Variants in BASP1 observed in about 807,000 individuals in gnomAD.
The protein encoded by BASP1 is brain abundant membrane attached signal protein 1, also known as brain acid soluble protein 1.
In BASP1, 1 loss-of-function variant was observed where a neutral mutation model predicts 2.2. That is an observed-to-expected ratio of 0.46 (90% confidence interval 0.16 to 2.17). BASP1 has a LOEUF of 2.17. BASP1 is among the 30% of genes most tolerant of loss of function. The pLI is 0.27. For missense variants in BASP1, 352 were observed against 327.2 expected (o/e 1.08, Z -0.58); for synonymous variants, 187 against 154.2 (o/e 1.21, Z -1.58).
chr5:17,244,912 T>C (rs1739945660), intron 1 of BASP1, among the ~76,000 whole-genome samples: 1 of 150,442 alleles, frequency 6.6e-6, no homozygotes, highest in Non-Finnish European at 1.5e-5. Flanking sequence ...GCTGGTCTCA[T>C]GATCCACCCG....
chr5:17,224,932 C>T (rs961543436), intron 1 of BASP1, among the ~76,000 whole-genome samples: 2 of 152,238 alleles, frequency 1.3e-5, no homozygotes, highest in Non-Finnish European at 2.9e-5. Context: ...TCCGCGTCCA[C>T]GCAGGATCCA....
At chr5:17,248,646 G>T (rs1326540655) in intron 1 of BASP1, among the ~76,000 whole-genome samples, 2 of 151,976 alleles carry the variant, frequency 1.3e-5, no homozygotes, top group Non-Finnish European at 2.9e-5. Flanking sequence ...CAGGCACTTC[G>T]GTATTCTTTT....
At position 17,275,519 on chromosome 5, in the gene BASP1, G is replaced by A. The variant is rs764354601; in HGVS notation, c.303G>A (p.Pro101=). Residue 101 remains proline (P), a synonymous_variant, in exon 2 of 2, where the codon CCG becomes CCA. Transcript: ENST00000322611. The surrounding 1 kb of genome is among the most constrained non-coding windows in gnomAD (Gnocchi z 5.3). ...EGAAEAKAEP[P]KAPEQEQAAP... ...CGGCAGAGGCCAAGGCTGAGCCCCC[G>A]AAGGCGCCCGAGCAGGAGCAGGCGG... 2.8e-6 allele frequency: 4 copies of A among 1,441,262 alleles called. No homozygotes were observed. Among genetic ancestry groups the A allele is most frequent in the African/African-American group, 1.5e-5 (1 of 66,822 alleles). 89.3% of individuals were successfully genotyped at this position (1,441,262 alleles called of 1,614,324 possible).
chr5:17,275,788 A>G lies in BASP1; in HGVS notation c.572A>G (p.Glu191Gly). Reference protein sequence around the residue: ...PSSKETPAATEAPSSTPKAQG... With the variant: ...PSSKETPAATGAPSSTPKAQG... ...TCCAAGGAGACCCCCGCAGCCACGG[A>G]AGCGCCTAGTTCCACACCCAAGGCC... The change falls in exon 2 of 2, where the codon GAA (glutamate) becomes GGA (glycine). Residue 191 changes from glutamate to glycine, a missense_variant. Coordinates refer to ENST00000322611, the MANE Select transcript of BASP1 (RefSeq NM_006317.5). This position sits in a 1 kb window ranked among gnomAD's most constrained non-coding sequence, Gnocchi z 5.3. 6.2e-7 allele frequency: 1 copy of G among 1,613,138 alleles called. No individual in the cohort carries two copies. Among genetic ancestry groups the G allele is most frequent in the African/African-American group, 1.3e-5 (1 of 74,986 alleles).
intron 1 of BASP1, among the ~76,000 whole-genome samples, chr5:17,232,782 C>T (rs544103051): frequency 2.6e-5 from 4 of 152,228 alleles, no homozygotes; most frequent in Admixed American, 2.6e-4. Context: ...TTTACTCCCC[C>T]TCCTCTTCCA....
intron 1 of BASP1, among the ~76,000 whole-genome samples, chr5:17,265,694 TAGTA>T (rs1286702409): frequency 6.6e-6 from 1 of 152,196 alleles, no homozygotes; most frequent in East Asian, 1.9e-4. Context: ...ACAACCTGTT[TAGTA>T]AGTGTTTTAT....
intron 1 of BASP1, among the ~76,000 whole-genome samples, chr5:17,248,920 T>C (rs1362745524): frequency 6.6e-6 from 1 of 152,156 alleles, no homozygotes; most frequent in Admixed American, 6.6e-5. Flanking sequence ...ATCCTTTAAG[T>C]ATGGAGGCCC....
intron 1 of BASP1, among the ~76,000 whole-genome samples, chr5:17,250,236 C>T (rs1026203234): frequency 1.3e-4 from 20 of 152,118 alleles, no homozygotes; most frequent in African/African-American, 3.9e-4. Flanking sequence ...CGTGAGCCAC[C>T]GCGCCCGGCC....
chr5:17,245,832 G>A (rs1385176861), intron 1 of BASP1, among the ~76,000 whole-genome samples: 1 of 152,122 alleles, frequency 6.6e-6, no homozygotes, highest in East Asian at 1.9e-4. Context: ...AACTCAGGGG[G>A]TAGCAGAAGC....
intron 1 of BASP1, among the ~76,000 whole-genome samples, chr5:17,226,515 C>T (rs540671153): frequency 8.5e-5 from 13 of 152,334 alleles, no homozygotes; most frequent in South Asian, 2.1e-4. Context: ...ACAGTATCCA[C>T]TGACAGAGAG....
At chr5:17,262,779 G>T (rs962701704) in intron 1 of BASP1, among the ~76,000 whole-genome samples, 1 of 151,514 alleles carries the variant, frequency 6.6e-6, no homozygotes, top group African/African-American at 2.4e-5. Flanking sequence ...TGCTAGACTA[G>T]GCTCTTCACT....
intron 1 of BASP1, among the ~76,000 whole-genome samples, chr5:17,226,947 TTTTTTTCG>T: frequency 3.7e-5 from 1 of 27,234 alleles, no homozygotes; most frequent in Non-Finnish European, 6.6e-5. Context: ...TTTTTTTTTC[TTTTTTTCG>T]TTTTGCTCTG....
intron 1 of BASP1, among the ~76,000 whole-genome samples, chr5:17,222,323 A>T (rs1739407631): frequency 6.6e-6 from 1 of 152,188 alleles, no homozygotes; most frequent in African/African-American, 2.4e-5. Flanking sequence ...GCTTATACTT[A>T]TACTTATGTA....
intron 1 of BASP1, among the ~76,000 whole-genome samples, chr5:17,253,436 C>G (rs934429373): frequency 6.6e-6 from 1 of 152,138 alleles, no homozygotes; most frequent in Admixed American, 6.5e-5. Context: ...TGGTCTGGAA[C>G]CCCTGGACTG....
intron 1 of BASP1, among the ~76,000 whole-genome samples, chr5:17,254,200 A>C (rs1335054092): frequency 1.5e-4 from 2 of 13,720 alleles, no homozygotes; most frequent in African/African-American, 3.3e-4. Flanking sequence ...GCAAATAGTC[A>C]TAAGCAGATT....
chr5:17,230,215 T>A (rs1023424424), intron 1 of BASP1, among the ~76,000 whole-genome samples: 3 of 152,126 alleles, frequency 2.0e-5, no homozygotes, highest in Non-Finnish European at 4.4e-5. Flanking sequence ...TGTGCTTTCT[T>A]TTAGGGATTC....
At chr5:17,246,091 G>T (rs571914940) in intron 1 of BASP1, among the ~76,000 whole-genome samples, 1 of 152,252 alleles carries the variant, frequency 6.6e-6, no homozygotes, top group South Asian at 2.1e-4. Flanking sequence ...AGTTCTTTCA[G>T]CCAGAAACAA....
At chr5:17,252,108 G>A (rs1740113390) in intron 1 of BASP1, among the ~76,000 whole-genome samples, 1 of 152,154 alleles carries the variant, frequency 6.6e-6, no homozygotes, top group African/African-American at 2.4e-5. Context: ...AGCTTAGGTT[G>A]GGACTTGGAG....
chr5:17,234,193 G>C (rs1158205404), intron 1 of BASP1, among the ~76,000 whole-genome samples: 2 of 152,118 alleles, frequency 1.3e-5, no homozygotes, highest in South Asian at 2.1e-4. Flanking sequence ...CAAGCCCAAG[G>C]AGTGATTGGT....
Sources: gnomAD v4.1 joint callset for allele counts (sites outside exome capture counted in the v4.1 genomes callset) on GRCh38, gnomAD v4.1.1 for gene constraint, Gnocchi (gnomAD v3.1) non-coding constraint, MANE v1.5 for transcripts, NCBI Gene and HGNC (gene_info 2026-07-23, HGNC 2026-07-21) for gene names.